The following KIFC3 variants were observed in gnomAD, a reference collection of about 807,000 sequenced individuals.
KIFC3 encodes kinesin-like protein KIFC3.
Under a neutral mutation model 101.8 loss-of-function variants are expected in KIFC3, and 60 were observed. The observed-to-expected ratio is 0.59, with a 90% CI of 0.48 to 0.73. The LOEUF is 0.73. KIFC3 is among the 30% of genes least tolerant of loss of function. The pLI is 0.00. For missense variants in KIFC3, 966 were observed against 1,137.1 expected, an observed-to-expected ratio of 0.85 and a Z score of 2.16; for synonymous variants, 476 against 482.7, an observed-to-expected ratio of 0.99 and a Z score of 0.18.
At chr16:57,816,961 C>T (rs548045323) in intron 1 of KIFC3, 46 of 336,722 alleles carry the variant, frequency 1.4e-4, no homozygotes, top group Non-Finnish European at 1.4e-4. Context: ...CACTACATGC[C>T]GGGCACCATG....
Position 57,772,140 on chromosome 16 carries a change from G to C in KIFC3, c.381+83C>G, listed in dbSNP as rs553120884. The C allele has an allele frequency of 3.3e-6, 4 of 1,204,208 alleles. No individual in the cohort carries two copies. The South Asian group carries it at 5.3e-5, about 16-fold the overall frequency. 74.6% of individuals were successfully genotyped at this position (1,204,208 alleles called of 1,614,324 possible). A position where few individuals can be genotyped will look rare whatever the true frequency, so the allele number is the denominator to read the frequency against. ...GATATGCGGGCTCAGGAGAGAGAGG[G>C]TCGCACCCCTGCCCCTGGCAGGGCC... On this transcript the variant is annotated intron_variant, in intron 4 of 19. Transcript: ENST00000445690.
In KIFC3 at chr16:57,769,777, G is replaced by C; in HGVS notation, c.1087+31C>G. ...GGGAGGGGATGAGGGGCCGCGGCGTGGGGCAGACAGGGCCCAGCTGGTCAG... is the reference window on the plus strand; with the variant it reads ...GGGAGGGGATGAGGGGCCGCGGCGTCGGGCAGACAGGGCCCAGCTGGTCAG... On this transcript the variant is annotated intron_variant, in intron 8 of 19. Transcript: ENST00000445690. This position sits in a 1 kb window ranked among gnomAD's most constrained non-coding sequence, Gnocchi z 4.3. 6.2e-7 allele frequency: 1 copy of C among 1,612,746 alleles called. No homozygotes were observed. The highest frequency in any genetic ancestry group is 8.5e-7 in the Non-Finnish European group (1 of 1,179,758).
rs782750748 is a variant in KIFC3, at chr16:57,760,884, G to A, written c.2074C>T (p.Arg692Trp). ...GACTTGTTGATGTGCTGCGCCTCCC[G>A]CAGGCGGCTGCCCTCGGCCCCCGAC... ...GKSGAEGSRLREAQHINKSLS... is the reference protein window; with the variant it reads ...GKSGAEGSRLWEAQHINKSLS... Residue 692 changes from arginine to tryptophan, a missense_variant, in exon 16 of 20, where the codon CGG becomes TGG. This residue lies in a region of KIFC3 where 689 missense variants were observed against 884.6 expected (regional missense o/e 0.78). Coordinates refer to ENST00000445690, the MANE Select transcript of KIFC3 (RefSeq NM_001130100.2). 22 of 1,611,014 alleles carry A rather than the reference G, an allele frequency of 1.4e-5. No individual in the cohort carries two copies. The highest frequency in any genetic ancestry group is 1.6e-5 in the Non-Finnish European group (19 of 1,179,726).
chr16:57,775,452 T>C, intron 3 of KIFC3: 1 of 1,004,712 alleles, frequency 1.0e-6, no homozygotes, highest in Non-Finnish European at 1.2e-6. Flanking sequence ...AGGGAAGATG[T>C]CTGCTTTCTC....
chr16:57,832,500 G>A (rs1311151494), intron 1 of KIFC3, among the ~76,000 whole-genome samples: 2 of 151,468 alleles, frequency 1.3e-5, no homozygotes, highest in African/African-American at 4.8e-5. Flanking sequence ...TTTTTAGTAA[G>A]GACAAGGTTT....
At chr16:57,814,050 G>A (rs2055158981) in intron 1 of KIFC3, among the ~76,000 whole-genome samples, 1 of 152,144 alleles carries the variant, frequency 6.6e-6, no homozygotes, top group Admixed American at 6.5e-5. Context: ...CCTCTCAAGG[G>A]CACAGTCAAT....
chr16:57,855,462 T>C (rs1483689135), intron 1 of KIFC3, among the ~76,000 whole-genome samples: 1 of 151,916 alleles, frequency 6.6e-6, no homozygotes, highest in Non-Finnish European at 1.5e-5. Context: ...GGGAAATATT[T>C]AAACTGAATG....
At chr16:57,861,433 C>G (rs1447537779) in intron 1 of KIFC3, among the ~76,000 whole-genome samples, 1 of 152,208 alleles carries the variant, frequency 6.6e-6, no homozygotes, top group African/African-American at 2.4e-5. Context: ...ATCTCAATGT[C>G]TTTCCTTCTC....
upstream of KIFC3, chr16:57,802,669 C>T: frequency 5.8e-6 from 6 of 1,030,604 alleles, no homozygotes; most frequent in Non-Finnish European, 7.8e-6. The surrounding 1 kb of genome is among the most constrained non-coding windows in gnomAD (Gnocchi z 5.0). Context: ...CCCACTCCCA[C>T]TCCTTCGCGG....
At chr16:57,792,868 A>C (rs2053990491) in intron 3 of KIFC3, among the ~76,000 whole-genome samples, 1 of 114,298 alleles carries the variant, frequency 8.7e-6, no homozygotes, top group Non-Finnish European at 1.7e-5. Flanking sequence ...CCTTGCTCAA[A>C]AAAAAAAAAA....
At chr16:57,860,068 A>AAAATC (rs1298754408) in intron 1 of KIFC3, among the ~76,000 whole-genome samples, 10 of 146,486 alleles carry the variant, frequency 6.8e-5, no homozygotes, top group African/African-American at 2.2e-4. Flanking sequence ...AAAATAAAAT[A>AAAATC]AAATAAAATA....
intron 1 of KIFC3, among the ~76,000 whole-genome samples, chr16:57,846,185 G>A (rs993968130): frequency 4.6e-5 from 7 of 152,304 alleles, no homozygotes; most frequent in Middle Eastern, 3.4e-3. Context: ...TGATGGCCTG[G>A]TGGAGGGAGA....
At chr16:57,808,638 A>T (rs2054999165) in intron 1 of KIFC3, among the ~76,000 whole-genome samples, 1 of 151,858 alleles carries the variant, frequency 6.6e-6, no homozygotes, top group South Asian at 2.1e-4. Context: ...ACCACCCTTC[A>T]CTTATTGTCA....
chr16:57,773,667 T>C (rs2051601592), intron 3 of KIFC3: 1 of 152,102 alleles, frequency 6.6e-6, no homozygotes, highest in Middle Eastern at 3.4e-3. Flanking sequence ...AAAATAAAAA[T>C]AGAGGCTTAG....
Position 57,798,161 on chromosome 16 carries a change from GGCTCCGGGGCCCGGCCCACTCTC to G in KIFC3, c.60_82del (p.Trp20CysfsTer41). ...GGCGGGGCGAGCCATCCCCGGCTCGGGCTCCGGGGCCCGGCCCACTCTCCACAGGCCCCGCAGCGAGGGCGTGG... is the reference window on the plus strand; with the variant it reads ...GGCGGGGCGAGCCATCCCCGGCTCGGCACAGGCCCCGCAGCGAGGGCGTGG... On this transcript the variant is annotated frameshift_variant, in exon 2 of 20. Transcript: ENST00000445690. LOFTEE classifies it high-confidence loss of function. 1 of 1,542,486 alleles carries G rather than the reference GGCTCCGGGGCCCGGCCCACTCTC, an allele frequency of 6.5e-7. No individual in the cohort carries two copies. Among genetic ancestry groups the G allele is most frequent in the Non-Finnish European group, 8.7e-7 (1 of 1,144,192 alleles).
At chr16:57,850,276 A>G (rs578227305) in intron 1 of KIFC3, among the ~76,000 whole-genome samples, 1 of 149,022 alleles carries the variant, frequency 6.7e-6, no homozygotes, top group African/African-American at 2.5e-5. Flanking sequence ...GGTGGCATGC[A>G]CCTGTAGTCC....
chr16:57,838,129 T>C lies in KIFC3; in HGVS notation c.108+24600A>G, dbSNP rs117230135. Among the ~76,000 whole-genome samples, 46 of 152,226 alleles carry C rather than the reference T, an allele frequency of 3.0e-4. No homozygotes were observed. The East Asian group carries it at 7.1e-3, about 24-fold the overall frequency. ...CTTCTGAAGGAGCAATTGTTTTCTG[T>C]ACCAAACCACACAATGCAAGCAAAT... On this transcript the variant is annotated intron_variant, in intron 1 of 2. Transcript: ENST00000563028.
chr16:57,814,493 G>T (rs1265705730), intron 1 of KIFC3, among the ~76,000 whole-genome samples: 1 of 152,096 alleles, frequency 6.6e-6, no homozygotes, highest in African/African-American at 2.4e-5. Context: ...TATGTGCCAG[G>T]TACTATGTGC....
chr16:57,786,905 C>T (rs368975823), intron 3 of KIFC3, among the ~76,000 whole-genome samples: 1 of 152,206 alleles, frequency 6.6e-6, no homozygotes, highest in African/African-American at 2.4e-5. Context: ...ACAGGCCCCC[C>T]CAACCCGCTC....
Sources: allele counts gnomAD v4.1 joint callset (sites outside exome capture counted in the v4.1 genomes callset), GRCh38; gene constraint gnomAD v4.1.1; regional missense constraint gnomAD v4.1.1; non-coding constraint Gnocchi (gnomAD v3.1); transcripts MANE v1.5; gene names NCBI Gene and HGNC (gene_info 2026-07-23, HGNC 2026-07-21).